Variants in PANX1 observed in about 807,000 individuals in gnomAD.
PANX1 encodes pannexin 1.
Under a neutral mutation model 38.7 loss-of-function variants are expected in PANX1, and 30 were observed. That is an observed-to-expected ratio of 0.78 (90% CI 0.58 to 1.05). The LOEUF is 1.05. PANX1 is among the 50% of genes least tolerant of loss of function. The pLI is 0.00. For synonymous variants in PANX1, 230 were observed against 212.2 expected (o/e 1.08, Z -0.73); for missense variants, 551 against 517.2 (o/e 1.07, Z -0.63).
intron 2 of PANX1, among the ~76,000 whole-genome samples, chr11:94,172,171 C>T (rs905812702): frequency 6.6e-6 from 1 of 151,614 alleles, no homozygotes; most frequent in African/African-American, 2.4e-5. Context: ...TGTGAAAATT[C>T]AGGCTCCCGA....
At chr11:94,133,409 G>A (rs1022539830) in intron 1 of PANX1, among the ~76,000 whole-genome samples, 2 of 152,102 alleles carry the variant, frequency 1.3e-5, no homozygotes, top group African/African-American at 4.8e-5. Context: ...CAAGGTGGAG[G>A]CAACTTTGGT....
At chr11:94,135,641 A>C (rs1222222650) in intron 1 of PANX1, among the ~76,000 whole-genome samples, 1 of 152,204 alleles carries the variant, frequency 6.6e-6, no homozygotes, top group Non-Finnish European at 1.5e-5. Flanking sequence ...AGAAGGATGC[A>C]TGCTGTCCAG....
chr11:94,178,581 C>T lies in PANX1; in HGVS notation c.534C>T (p.Asn178=), dbSNP rs980494806. The T allele has an allele frequency of 2.2e-5, 36 of 1,613,612 alleles. No individual in the cohort carries two copies. Among genetic ancestry groups the T allele is most frequent in the Non-Finnish European group, 3.1e-5 (36 of 1,179,612 alleles). The part of the protein sequence containing the change: ...GACSVPGVTE[N]LGQSLWEVSE... ...GCTCAGTTCCAGGTGTTACCGAGAACTTAGGGCAAAGGTAACTTAGCCCCA... is the reference window on the plus strand; with the variant it reads ...GCTCAGTTCCAGGTGTTACCGAGAATTTAGGGCAAAGGTAACTTAGCCCCA... The change falls in exon 3 of 5, where the codon AAC becomes AAT. Residue 178 remains asparagine, a synonymous_variant. Transcript: ENST00000227638.
intron 1 of PANX1, among the ~76,000 whole-genome samples, chr11:94,140,562 A>G (rs1946750153): frequency 6.6e-6 from 1 of 152,206 alleles, no homozygotes; most frequent in Non-Finnish European, 1.5e-5. Flanking sequence ...ACTATACCTC[A>G]ATTCATTTAA....
chr11:94,150,395 G>A (rs1214320226), intron 1 of PANX1, among the ~76,000 whole-genome samples: 1 of 152,188 alleles, frequency 6.6e-6, no homozygotes, highest in Non-Finnish European at 1.5e-5. Flanking sequence ...GAGACTGGAA[G>A]ACTTCCTGAC....
At chr11:94,161,065 T>A (rs1947025354) in intron 2 of PANX1, among the ~76,000 whole-genome samples, 1 of 152,268 alleles carries the variant, frequency 6.6e-6, no homozygotes, top group South Asian at 2.1e-4. Context: ...CACTCTCTTC[T>A]GGCTTGTAGA....
chr11:94,168,373 G>A (rs4753129), intron 2 of PANX1, among the ~76,000 whole-genome samples: 23,194 of 151,518 alleles, frequency 0.15, 1,944 homozygotes, highest in South Asian at 0.3. Flanking sequence ...GCCATTGCAG[G>A]TACCTGAGCA....
At chr11:94,165,608 G>A (rs1007045967) in intron 2 of PANX1, among the ~76,000 whole-genome samples, 11 of 152,242 alleles carry the variant, frequency 7.2e-5, no homozygotes, top group South Asian at 2.1e-4. Flanking sequence ...GTTATCTTCC[G>A]TTTAAAATAA....
At chr11:94,158,487 G>A (rs1450545992) in intron 2 of PANX1, among the ~76,000 whole-genome samples, 1 of 151,820 alleles carries the variant, frequency 6.6e-6, no homozygotes, top group Non-Finnish European at 1.5e-5. Flanking sequence ...TGGATTCCTA[G>A]GTATTTTATT....
At position 94,165,484 on chromosome 11, in the gene PANX1, A is replaced by G. The variant is rs1947092731; in HGVS notation, c.321+11854A>G. ...ACATAACAATATTAACTTTAAATGT[A>G]AATGGGCTAAATGCTCCAATTAAAA... On this transcript the variant is annotated intron_variant, in intron 2 of 4. Coordinates refer to ENST00000227638, the MANE Select transcript of PANX1 (RefSeq NM_015368.4). Among the ~76,000 whole-genome samples the G allele has an allele frequency of 3.3e-5, 5 of 152,226 alleles. No individual in the cohort carries two copies. In the South Asian group the frequency reaches 1.0e-3, roughly 32 times the overall value.
chr11:94,135,853 C>T (rs1591503946), intron 1 of PANX1, among the ~76,000 whole-genome samples: 1 of 152,136 alleles, frequency 6.6e-6, no homozygotes, highest in East Asian at 1.9e-4. Flanking sequence ...TAAAACAAAT[C>T]GAGTCATACC....
chr11:94,165,992 A>G (rs529352506), intron 2 of PANX1, among the ~76,000 whole-genome samples: 1 of 152,320 alleles, frequency 6.6e-6, no homozygotes, highest in East Asian at 1.9e-4. Flanking sequence ...AAGATAACTT[A>G]ATTCCAATTA....
In PANX1 at chr11:94,171,098, A is replaced by C. The variant is rs1299997495; in HGVS notation, c.322-7271A>C. On this transcript the variant is annotated intron_variant, in intron 2 of 4. Transcript: ENST00000227638. ...GTCACCCCTCATTCATTCAGGACTC[A>C]GTCATGCTCATCCTCCTTCACCACC... is the stretch of plus-strand genomic sequence containing the variant. 8.6e-5 allele frequency among the ~76,000 whole-genome samples: 13 copies of C among 151,708 alleles called. 1 individual carries two copies. The South Asian group carries it at 2.7e-3, about 32-fold the overall frequency.
intron 2 of PANX1, among the ~76,000 whole-genome samples, 192 bp from the exon 3 acceptor site, chr11:94,178,177 A>C (rs527930462): frequency 6.6e-6 from 1 of 152,282 alleles, no homozygotes; most frequent in African/African-American, 2.4e-5. Flanking sequence ...AGAAAAAAAA[A>C]TAGGTAGTTA....
In PANX1 at chr11:94,162,068, G is replaced by A. The variant is rs557539706; in HGVS notation, c.321+8438G>A. Reference sequence around the variant, plus strand: ...GAGCAGCAAATGTTGCTGCCTGATCGTTCCTCTGGAAGTTTTGTCTCAGAG... The same window carrying A: ...GAGCAGCAAATGTTGCTGCCTGATCATTCCTCTGGAAGTTTTGTCTCAGAG... On this transcript the variant is annotated intron_variant, in intron 2 of 4. Coordinates refer to ENST00000227638, the MANE Select transcript of PANX1 (RefSeq NM_015368.4). Among the ~76,000 whole-genome samples the A allele has an allele frequency of 1.2e-4, 18 of 152,270 alleles. No individual in the cohort carries two copies. In the East Asian group the frequency reaches 2.1e-3, roughly 18 times the overall value.
At chr11:94,142,875 C>G (rs958149484) in intron 1 of PANX1, among the ~76,000 whole-genome samples, 2 of 152,228 alleles carry the variant, frequency 1.3e-5, no homozygotes, top group African/African-American at 4.8e-5. Flanking sequence ...AGGGCGTGCT[C>G]CTGGTATAAA....
chr11:94,169,166 T>C (rs1179777838), intron 2 of PANX1, among the ~76,000 whole-genome samples: 1 of 150,314 alleles, frequency 6.7e-6, no homozygotes, highest in Non-Finnish European at 1.5e-5. Flanking sequence ...GCTATAGGAG[T>C]GGATGGTGTT....
intron 1 of PANX1, among the ~76,000 whole-genome samples, chr11:94,142,603 C>T (rs556443864): frequency 5.3e-5 from 8 of 152,348 alleles, no homozygotes; most frequent in Middle Eastern, 3.4e-3. Flanking sequence ...ATGGTTCAGT[C>T]ATTACCCTTA....
chr11:94,173,000 T>C (rs370575606), intron 2 of PANX1, among the ~76,000 whole-genome samples: 2 of 151,812 alleles, frequency 1.3e-5, no homozygotes, highest in South Asian at 2.1e-4. Flanking sequence ...CATCTGTATT[T>C]TCTGCCTTCT....
Sources: gnomAD v4.1 joint callset for allele counts (sites outside exome capture counted in the v4.1 genomes callset) on GRCh38, gnomAD v4.1.1 for gene constraint, MANE v1.5 for transcripts, NCBI Gene and HGNC (gene_info 2026-07-23, HGNC 2026-07-21) for gene names.